The following CNTNAP4 variants were observed in gnomAD, a reference collection of about 807,000 sequenced individuals.
The protein encoded by CNTNAP4 is contactin-associated protein-like 4.
Under a neutral mutation model 148.4 loss-of-function variants are expected in CNTNAP4, and 98 were observed. The observed-to-expected ratio is 0.66, with a 90% CI of 0.56 to 0.78. CNTNAP4 has a LOEUF of 0.78. CNTNAP4 is among the 30% of genes least tolerant of loss of function. The pLI is 0.00. For synonymous variants in CNTNAP4, 730 were observed against 565.1 expected (o/e 1.29, Z -4.14); for missense variants, 1,935 against 1,565.6 (o/e 1.24, Z -3.98).
intron 1 of CNTNAP4, among the ~76,000 whole-genome samples, chr16:76,282,799 T>C (rs1958735698): frequency 6.6e-6 from 1 of 151,942 alleles, no homozygotes; most frequent in Admixed American, 6.6e-5. Context: ...CGCTATACTT[T>C]TTCCTACAGT....
chr16:76,370,028 A>T (rs2014614221), intron 3 of CNTNAP4, among the ~76,000 whole-genome samples: 1 of 152,184 alleles, frequency 6.6e-6, no homozygotes, highest in African/African-American at 2.4e-5. Flanking sequence ...CTCAGAAATA[A>T]TATTTTGCCA....
At chr16:76,453,104 CTAAG>C (rs1431137773) in intron 8 of CNTNAP4, among the ~76,000 whole-genome samples, 1 of 152,148 alleles carries the variant, frequency 6.6e-6, no homozygotes, top group Non-Finnish European at 1.5e-5. Flanking sequence ...AACAAGTTAA[CTAAG>C]TGTTCTTCAA....
intron 3 of CNTNAP4, among the ~76,000 whole-genome samples, chr16:76,393,058 T>C (rs565918494): frequency 3.5e-4 from 54 of 152,344 alleles, no homozygotes; most frequent in African/African-American, 1.3e-3. Context: ...TATTCTGACA[T>C]TGAGCTAGTC....
intron 6 of CNTNAP4, 49 bp downstream of exon 6, chr16:76,449,000 GT>G: frequency 6.5e-7 from 1 of 1,533,432 alleles, no homozygotes; most frequent in South Asian, 1.2e-5. Flanking sequence ...TGTATATGTG[GT>G]TTAATCTCCC....
intron 2 of CNTNAP4, among the ~76,000 whole-genome samples, chr16:76,318,077 T>G (rs888229961): frequency 2.6e-5 from 4 of 152,206 alleles, no homozygotes; most frequent in Admixed American, 2.0e-4. Context: ...GGGACTTTCC[T>G]AGCCTCTCTG....
intron 1 of CNTNAP4, among the ~76,000 whole-genome samples, chr16:76,311,565 C>T (rs1475600839): frequency 6.6e-6 from 1 of 152,034 alleles, no homozygotes; most frequent in Non-Finnish European, 1.5e-5. Flanking sequence ...CTAAAGCTAT[C>T]GTTTTACTAC....
At chr16:76,463,599 TAG>T (rs2081065148) in intron 9 of CNTNAP4, among the ~76,000 whole-genome samples, 4 of 152,174 alleles carry the variant, frequency 2.6e-5, no homozygotes, top group African/African-American at 9.7e-5. Context: ...TGCAAAAATA[TAG>T]AGAGTTCCTG....
intron 3 of CNTNAP4, among the ~76,000 whole-genome samples, chr16:76,404,042 TG>T (rs901969096): frequency 6.6e-6 from 1 of 151,982 alleles, no homozygotes; most frequent in African/African-American, 2.4e-5. Flanking sequence ...GGGGCTTACT[TG>T]AGAGTGGAGG....
intron 3 of CNTNAP4, among the ~76,000 whole-genome samples, chr16:76,376,368 A>T (rs918838528): frequency 1.3e-5 from 2 of 152,328 alleles, no homozygotes; most frequent in East Asian, 3.9e-4. Context: ...ACTGCCTAAC[A>T]TAAAGGCCAT....
intron 3 of CNTNAP4, among the ~76,000 whole-genome samples, chr16:76,370,953 T>C (rs559279228): frequency 7.8e-6 from 1 of 128,106 alleles, no homozygotes; most frequent in South Asian, 2.3e-4. Context: ...GTAATATTTA[T>C]GAGTAGGCAA....
intron 3 of CNTNAP4, among the ~76,000 whole-genome samples, chr16:76,420,554 A>G (rs2079152936): frequency 3.3e-5 from 5 of 151,930 alleles, no homozygotes; most frequent in Admixed American, 3.3e-4. Flanking sequence ...TATCCTAAAA[A>G]GTAGATCCTC....
intron 4 of CNTNAP4, among the ~76,000 whole-genome samples, chr16:76,438,493 T>C (rs1003420874): frequency 9.2e-5 from 14 of 151,726 alleles, no homozygotes; most frequent in Non-Finnish European, 2.1e-4. Flanking sequence ...CCCACAAGAG[T>C]ATTGCCTTGG....
intron 3 of CNTNAP4, among the ~76,000 whole-genome samples, chr16:76,380,092 G>C (rs183852910): frequency 7.2e-5 from 11 of 152,316 alleles, no homozygotes. Context: ...ACGCAAGTCT[G>C]TTGTAGTATT....
intron 2 of CNTNAP4, among the ~76,000 whole-genome samples, chr16:76,345,167 T>G (rs1021903901): frequency 1.3e-5 from 2 of 152,216 alleles, no homozygotes; most frequent in African/African-American, 4.8e-5. Context: ...TGTGACTTTC[T>G]TTTGGCTAAT....
intron 9 of CNTNAP4, among the ~76,000 whole-genome samples, chr16:76,462,703 C>G (rs148028914): frequency 0.011 from 1,610 of 152,172 alleles, 18 homozygotes; most frequent in African/African-American, 0.037. Flanking sequence ...AACTAAAAGC[C>G]TGGAAAAGAA....
At chr16:76,436,340 AT>A (rs1331696811) in intron 4 of CNTNAP4, among the ~76,000 whole-genome samples, 1 of 152,148 alleles carries the variant, frequency 6.6e-6, no homozygotes, top group African/African-American at 2.4e-5. Context: ...CCTCCCGCAC[AT>A]CCCCATTCCA....
chr16:76,496,664 G>A (rs1267371551), intron 14 of CNTNAP4, among the ~76,000 whole-genome samples: 1 of 152,148 alleles, frequency 6.6e-6, no homozygotes, highest in Non-Finnish European at 1.5e-5. Context: ...GCAATTTATT[G>A]TGATAAGGCT....
At chr16:76,383,718 C>A (rs2016230091) in intron 3 of CNTNAP4, among the ~76,000 whole-genome samples, 1 of 152,128 alleles carries the variant, frequency 6.6e-6, no homozygotes. Flanking sequence ...ATAAGGAATT[C>A]TCATTCTTTA....
chr16:76,293,838 A>ATTTT (rs1567604174), intron 1 of CNTNAP4, among the ~76,000 whole-genome samples: 11 of 150,054 alleles, frequency 7.3e-5, no homozygotes, highest in African/African-American at 2.8e-4. Flanking sequence ...TTTTTTTTAA[A>ATTTT]AAAAAGGATA....
Sources: gnomAD v4.1 joint callset for allele counts (sites outside exome capture counted in the v4.1 genomes callset) on GRCh38, gnomAD v4.1.1 for gene constraint, MANE v1.5 for transcripts, NCBI Gene and HGNC (gene_info 2026-07-23, HGNC 2026-07-21) for gene names.